NEB: variants seen among roughly 807,000 people sequenced by gnomAD.
NEB encodes the protein nebulin.
Under a neutral mutation model 952.2 loss-of-function variants are expected in NEB, and 512 were observed. The ratio of observed to expected loss-of-function variants is 0.54; its 90% CI spans 0.50 to 0.58. The LOEUF (loss-of-function observed/expected upper bound fraction) is 0.58. NEB is among the 20% of genes least tolerant of loss of function. The pLI is 0.00. For synonymous variants in NEB, 2,900 were observed against 3,149.8 expected (o/e 0.92, Z 2.66); for missense variants, 8,428 against 9,231.1 (o/e 0.91, Z 3.56).
chr2:151,609,703 G>C (rs1402342313), intron 81 of NEB, 106 bp downstream of exon 81: 2 of 1,069,822 alleles, frequency 1.9e-6, no homozygotes, highest in African/African-American at 1.6e-5. Flanking sequence ...CCACCCCCAG[G>C]TTTGTGCAGT....
At chr2:151,612,145 G>C in intron 78 of NEB, 41 bp downstream of exon 78, 2 of 1,582,152 alleles carry the variant, frequency 1.3e-6, no homozygotes, top group African/African-American at 2.7e-5. Context: ...CAAATCTGTG[G>C]AAGGTATGAT....
Position 151,547,502 on chromosome 2 carries a change from T to C in NEB, c.20294A>G (p.Gln6765Arg). The part of the protein sequence containing the change: ...LIYKSDFFKM[Q>R]GHMISLPYTP... ...GTATGGCAGAGAGATCATGTGGCCC[T>C]GCATCTTGAAGAAGTCTGATTTGTA... Residue 6765 changes from glutamine to arginine, a missense_variant, in exon 133 of 182, where the codon CAG becomes CGG. This residue lies in a region of NEB where 3,374 missense variants were observed against 3,651.5 expected (regional missense o/e 0.92). Transcript: ENST00000397345. 1 of 1,606,592 alleles carries C rather than the reference T, an allele frequency of 6.2e-7. No individual in the cohort carries two copies. Among genetic ancestry groups the C allele is most frequent in the South Asian group, 1.1e-5 (1 of 89,330 alleles).
rs2099605630 is a variant in NEB at position 151,697,597 on chromosome 2, A to T, written c.1204T>A (p.Cys402Ser). ...EKTKAKSINY[C>S]ETPKFKLDTV... Reference sequence around the variant, plus strand: ...TCGAGCTTGAATTTGGGGGTCTCGCAGTAATTTATGCTCTTTGCTTTTGTC... The same window carrying T: ...TCGAGCTTGAATTTGGGGGTCTCGCTGTAATTTATGCTCTTTGCTTTTGTC... The change falls in exon 14 of 182, where the codon TGC becomes AGC. Residue 402 changes from cysteine (C) to serine (S), a missense_variant. Cys to Ser is a moderately radical substitution (Grantham distance 112). Around this residue, in one of 11 missense-constraint regions of NEB, gnomAD observed 2,851 missense variants for 2,791.5 expected, o/e 1.02. Transcript: ENST00000397345. 2 of 1,613,220 alleles carry T rather than the reference A, an allele frequency of 1.2e-6. No individual in the cohort carries two copies. Among genetic ancestry groups the T allele is most frequent in the Non-Finnish European group, 1.7e-6 (2 of 1,179,738 alleles).
chr2:151,510,485 A>G (rs540173575), intron 161 of NEB, among the ~76,000 whole-genome samples: 42 of 152,382 alleles, frequency 2.8e-4, no homozygotes, highest in African/African-American at 1.0e-3. Context: ...TATTCAGTAC[A>G]GTAGTCCCCA....
At chr2:151,659,330 G>A (rs567552070) in intron 46 of NEB, among the ~76,000 whole-genome samples, 161 bp from the exon 47 acceptor site, 30 of 151,740 alleles carry the variant, frequency 2.0e-4, no homozygotes, top group Non-Finnish European at 2.8e-4. Flanking sequence ...AGAGTCTTGC[G>A]CTGTCACCCA....
At chr2:151,621,712 C>A (rs943895188) in intron 71 of NEB, among the ~76,000 whole-genome samples, 1 of 152,132 alleles carries the variant, frequency 6.6e-6, no homozygotes, top group Non-Finnish European at 1.5e-5. Flanking sequence ...ATTTGAGAAC[C>A]ACGCATTAAA....
intron 4 of NEB, among the ~76,000 whole-genome samples, chr2:151,728,336 T>C (rs2099797046): frequency 6.6e-6 from 1 of 152,234 alleles, no homozygotes; most frequent in Admixed American, 6.5e-5. Flanking sequence ...TTCTTGACTT[T>C]AATATTAACT....
intron 109 of NEB, 75 bp from the exon 110 acceptor site, chr2:151,569,447 G>T: frequency 9.1e-7 from 1 of 1,096,984 alleles, no homozygotes; most frequent in Non-Finnish European, 1.4e-6. Context: ...TTGGTCTCAT[G>T]AAGAAATACA....
Position 151,524,341 on chromosome 2 carries a change from C to T in NEB, c.22449G>A (p.Met7483Ile). Residue 7483 changes from methionine (M) to isoleucine (I), a missense_variant, in exon 153 of 182, where the codon ATG becomes ATA. Physicochemically the swap from Met to Ile is conservative, Grantham distance 10. Around this residue, in one of 11 missense-constraint regions of NEB, gnomAD observed 3,374 missense variants for 3,651.5 expected, o/e 0.92. Transcript: ENST00000397345. Reference sequence around the variant, plus strand: ...TGCTCAGCTTGGCTGCCTTCTTGGCCATTTCTATGTCTGGGCGACCGAGCA... The same window carrying T: ...TGCTCAGCTTGGCTGCCTTCTTGGCTATTTCTATGTCTGGGCGACCGAGCA... ...LSMLGRPDIE[M>I]AKKAAKLSSQ... The T allele has an allele frequency of 6.2e-7, 1 of 1,613,912 alleles. No homozygotes were observed. Among genetic ancestry groups the T allele is most frequent in the Non-Finnish European group, 8.5e-7 (1 of 1,179,876 alleles).
chr2:151,676,874 T>G (rs541400243), intron 34 of NEB, among the ~76,000 whole-genome samples: 224 of 152,338 alleles, frequency 1.5e-3, no homozygotes, highest in African/African-American at 5.2e-3. Flanking sequence ...ATCTATTTCA[T>G]CTTTATGCCA....
intron 181 of NEB, chr2:151,486,134 A>G (rs1239094864): frequency 3.6e-6 from 2 of 558,822 alleles, no homozygotes; most frequent in Non-Finnish European, 6.3e-6. Flanking sequence ...ATTAATATCC[A>G]GAACATATGA....
chr2:151,493,751 A>T, intron 175 of NEB, 24 bp downstream of exon 175: 1 of 1,482,684 alleles, frequency 6.7e-7, no homozygotes. Context: ...GATTTTAAGG[A>T]TTTATTTTTC....
At position 151,684,824 on chromosome 2, in the gene NEB, C is replaced by T. The variant is rs1218092106; in HGVS notation, c.2789G>A (p.Ser930Asn). ...CTTCTTGGCAAGGTCCACATTGATG[C>T]TATCAGGGGGGTAGCTGTAACTGTG... ...ILHSYSYPPDSINVDLAKKAY... is the reference protein window; with the variant it reads ...ILHSYSYPPDNINVDLAKKAY... The change falls in exon 28 of 182, where the codon AGC (serine) becomes AAC (asparagine). Residue 930 changes from serine to asparagine, a missense_variant. Physicochemically the swap from Ser to Asn is conservative, Grantham distance 46. Around this residue, in one of 11 missense-constraint regions of NEB, gnomAD observed 2,851 missense variants for 2,791.5 expected, o/e 1.02. Transcript: ENST00000397345. 1.9e-6 allele frequency: 3 copies of T among 1,612,972 alleles called. No homozygotes were observed. The highest frequency in any genetic ancestry group is 2.2e-5 in the South Asian group (2 of 90,832).
chr2:151,624,833 T>C (rs2098487649), intron 71 of NEB, among the ~76,000 whole-genome samples: 1 of 152,294 alleles, frequency 6.6e-6, no homozygotes, highest in South Asian at 2.1e-4. Flanking sequence ...CAAGACGCTA[T>C]TTATGCAGCA....
In NEB at chr2:151,666,273, C is replaced by T. The variant is rs958645221; in HGVS notation, c.4848G>A (p.Lys1616=). Reference sequence around the variant, plus strand: ...ACTTGGTCTTGCTGGCTTCATAGCCCTTTTTGTACTCACGATCAGACTGGA... The same window carrying T: ...ACTTGGTCTTGCTGGCTTCATAGCCTTTTTTGTACTCACGATCAGACTGGA... ...AKIQSDREYK[K]GYEASKTKYH... The change falls in exon 41 of 182, where the codon AAG becomes AAA. Residue 1616 remains lysine (K), a synonymous_variant. Transcript: ENST00000397345. The T allele has an allele frequency of 6.2e-7, 1 of 1,613,894 alleles. No individual in the cohort carries two copies. The highest frequency in any genetic ancestry group is 8.5e-7 in the Non-Finnish European group (1 of 1,179,842).
At chr2:151,665,291 C>A (rs2099201055) in intron 42 of NEB, 42 bp downstream of exon 42, 7 of 1,584,624 alleles carry the variant, frequency 4.4e-6, no homozygotes, top group Non-Finnish European at 6.1e-6. Context: ...GTCATGAACA[C>A]CATGAGGGTT....
At chr2:151,576,510 ATATATATTTTTTTTTTTTTTTTTT>A (rs1443651501) in intron 105 of NEB, among the ~76,000 whole-genome samples, 156 bp from the exon 106 acceptor site, 148 of 31,506 alleles carry the variant, frequency 4.7e-3, no homozygotes, top group South Asian at 6.5e-3. Context: ...ATATATATAT[ATATATATTTTTTTTTTTTTTTTTT>A]TTTTTTTTTT....
In NEB at chr2:151,609,968, C is replaced by T. The variant is rs747847680; in HGVS notation, c.12171G>A (p.Lys4057=). The T allele has an allele frequency of 3.1e-6, 5 of 1,613,992 alleles. No individual in the cohort carries two copies. The highest frequency in any genetic ancestry group is 4.2e-6 in the Non-Finnish European group (5 of 1,179,872). Residue 4057 remains lysine (K), a synonymous_variant, in exon 81 of 182, where the codon AAG becomes AAA. Transcript: ENST00000397345. ...TTAACATGTCCACTGGGCTAGAGAACTTGGTTTTCCACTTTTGGAATTCCT... is the reference window on the plus strand; with the variant it reads ...TTAACATGTCCACTGGGCTAGAGAATTTGGTTTTCCACTTTTGGAATTCCT... The part of the protein sequence containing the change: ...YKKEFQKWKT[K]FSSPVDMLSI...
intron 156 of NEB, among the ~76,000 whole-genome samples, chr2:151,518,106 A>G (rs1245460413): frequency 1.3e-5 from 2 of 152,212 alleles, no homozygotes; most frequent in African/African-American, 4.8e-5. Context: ...AGCCCCTGCC[A>G]GTAGCACATA....
Sources: gnomAD v4.1 joint callset for allele counts (sites outside exome capture counted in the v4.1 genomes callset) on GRCh38, gnomAD v4.1.1 for gene constraint, gnomAD v4.1.1 regional missense constraint, MANE v1.5 for transcripts, NCBI Gene and HGNC (gene_info 2026-07-23, HGNC 2026-07-21) for gene names.